FHOD3: variants seen among roughly 807,000 people sequenced by gnomAD.
The protein encoded by FHOD3 is formin homology 2 domain containing 3, also known as FH1/FH2 domain-containing protein 3.
FHOD3 carries 90 observed loss-of-function variants against 173.0 expected under a neutral mutation model. The observed-to-expected ratio is 0.52, with a 90% CI of 0.44 to 0.62. The LOEUF is 0.62. FHOD3 is among the 20% of genes least tolerant of loss of function. FHOD3 has a pLI of 0.00. For synonymous variants in FHOD3, 828 were observed against 823.0 expected (o/e 1.01, Z -0.10); for missense variants, 1,945 against 2,034.7 (o/e 0.96, Z 0.85).
chr18:36,535,173 T>C (rs2056945342), intron 5 of FHOD3, among the ~76,000 whole-genome samples: 1 of 152,178 alleles, frequency 6.6e-6, no homozygotes. Context: ...TATGCAAGGC[T>C]CCATGGCTTG....
rs924940113 is a variant in FHOD3 at position 36,649,288 on chromosome 18, C to T, written c.1197-28C>T. 10 of 1,516,462 alleles carry T rather than the reference C, an allele frequency of 6.6e-6. No individual in the cohort carries two copies. In the Admixed American group the frequency reaches 1.2e-4, roughly 18 times the overall value. 93.9% of individuals were successfully genotyped at this position (1,516,462 alleles called of 1,614,324 possible). A position where few individuals can be genotyped will look rare whatever the true frequency, so the allele number is the denominator to read the frequency against. On this transcript the variant is annotated intron_variant, in intron 10 of 28. Transcript: ENST00000590592. The stretch of plus-strand genomic sequence containing the variant: ...CTCACTTTTCCATGTTGTCTGTGTG[C>T]ATTTCTCTTTTCCTGGCTTTGTCTC...
At chr18:36,544,074 A>G (rs12958613) in intron 5 of FHOD3, among the ~76,000 whole-genome samples, 64,929 of 152,090 alleles carry the variant, frequency 0.43, 14,263 homozygotes, top group Non-Finnish European at 0.49. Context: ...AATATGTCAC[A>G]TGAGTGAGAG....
intron 9 of FHOD3, among the ~76,000 whole-genome samples, chr18:36,624,199 A>G (rs2033920963): frequency 6.6e-6 from 1 of 152,178 alleles, no homozygotes; most frequent in Non-Finnish European, 1.5e-5. Flanking sequence ...AGGCAGTCAT[A>G]TTCATTGAGT....
chr18:36,536,257 G>C (rs1448049136), intron 5 of FHOD3, among the ~76,000 whole-genome samples: 1 of 152,172 alleles, frequency 6.6e-6, no homozygotes, highest in Non-Finnish European at 1.5e-5. Flanking sequence ...CCTCCCCATG[G>C]ATGGGGCCAA....
chr18:36,465,473 C>T (rs59831798), intron 3 of FHOD3, among the ~76,000 whole-genome samples: 11 of 152,216 alleles, frequency 7.2e-5, no homozygotes, highest in African/African-American at 2.2e-4. Context: ...TTCTGCAAAG[C>T]GCAGGGGTGG....
At chr18:36,656,826 G>C (rs776986461) in intron 13 of FHOD3, among the ~76,000 whole-genome samples, 3 of 151,852 alleles carry the variant, frequency 2.0e-5, no homozygotes, top group African/African-American at 7.3e-5. Context: ...TCATACTTTC[G>C]TAGCCATTTC....
intron 5 of FHOD3, among the ~76,000 whole-genome samples, chr18:36,528,342 CT>C (rs2056623353): frequency 6.6e-6 from 1 of 152,206 alleles, no homozygotes; most frequent in African/African-American, 2.4e-5. Context: ...GGCTGCCATA[CT>C]GTAAAACGGG....
intron 28 of FHOD3, among the ~76,000 whole-genome samples, chr18:36,771,927 G>A (rs2043402464): frequency 1.3e-5 from 2 of 152,232 alleles, no homozygotes; most frequent in African/African-American, 2.4e-5. Flanking sequence ...CCCAGAGCAT[G>A]TTCTTCTCCT....
chr18:36,330,424 C>A (rs191106285), intron 1 of FHOD3, among the ~76,000 whole-genome samples: 98 of 152,332 alleles, frequency 6.4e-4, no homozygotes, highest in Non-Finnish European at 1.1e-3. Flanking sequence ...GGAGAACCAG[C>A]TCAGCCATAA....
rs547721365 is a variant in FHOD3 at position 36,332,995 on chromosome 18, C to T, written c.166-22544C>T. 8.5e-5 allele frequency among the ~76,000 whole-genome samples: 13 copies of T among 152,354 alleles called. No individual in the cohort carries two copies. In the South Asian group the frequency reaches 2.7e-3, roughly 32 times the overall value. Reference sequence around the variant, plus strand: ...GTGTACTCTTCTGTTTACTTGTGTGCCTCATTCATGTTTGCTATGAACATT... The same window carrying T: ...GTGTACTCTTCTGTTTACTTGTGTGTCTCATTCATGTTTGCTATGAACATT... On this transcript the variant is annotated intron_variant, in intron 1 of 28. Coordinates refer to ENST00000590592, the MANE Select transcript of FHOD3 (RefSeq NM_001281740.3).
chr18:36,630,805 A>C (rs896112349), intron 10 of FHOD3, among the ~76,000 whole-genome samples: 1 of 152,228 alleles, frequency 6.6e-6, no homozygotes, highest in Non-Finnish European at 1.5e-5. Flanking sequence ...AAGAATTGCT[A>C]ATTTTTTTCC....
At chr18:36,730,057 C>T (rs2149907428) in intron 19 of FHOD3, among the ~76,000 whole-genome samples, 1 of 152,326 alleles carries the variant, frequency 6.6e-6, no homozygotes, top group East Asian at 1.9e-4. Context: ...ATTCATCTAC[C>T]AGGCAGCTGC....
At chr18:36,610,447 T>A (rs146408520) in intron 8 of FHOD3, among the ~76,000 whole-genome samples, 1 of 152,364 alleles carries the variant, frequency 6.6e-6, no homozygotes, top group Non-Finnish European at 1.5e-5. Context: ...CTGTAGACAC[T>A]GGTGTGTGCT....
In FHOD3 at chr18:36,409,191, G is replaced by A. The variant is rs534546324; in HGVS notation, c.337+36447G>A. On this transcript the variant is annotated intron_variant, in intron 3 of 28. Coordinates refer to ENST00000590592, the MANE Select transcript of FHOD3 (RefSeq NM_001281740.3). Reference sequence around the variant, plus strand: ...CCTTCTTGGGGGGGTAATTCTCCTTGAGCAGGGTGAAGGGGCATGCACATC... The same window carrying A: ...CCTTCTTGGGGGGGTAATTCTCCTTAAGCAGGGTGAAGGGGCATGCACATC... Among the ~76,000 whole-genome samples, 12 of 152,232 alleles carry A rather than the reference G, an allele frequency of 7.9e-5. No homozygotes were observed. The East Asian group carries it at 1.9e-3, about 24-fold the overall frequency.
At chr18:36,349,452 G>A (rs757662528) in intron 1 of FHOD3, among the ~76,000 whole-genome samples, 5 of 152,196 alleles carry the variant, frequency 3.3e-5, no homozygotes, top group Admixed American at 6.5e-5. Context: ...ATAAGCACTT[G>A]CGCTTTCCAT....
intron 8 of FHOD3, among the ~76,000 whole-genome samples, chr18:36,611,507 C>T (rs970382719): frequency 2.0e-5 from 3 of 152,180 alleles, no homozygotes; most frequent in Non-Finnish European, 2.9e-5. Flanking sequence ...TGCCTCGAGG[C>T]CAGTGGGATA....
chr18:36,368,678 AG>A (rs2047018620), intron 2 of FHOD3, among the ~76,000 whole-genome samples: 1 of 152,190 alleles, frequency 6.6e-6, no homozygotes, highest in Non-Finnish European at 1.5e-5. Context: ...TAAAGGAAAG[AG>A]GTTTAATTGA....
intron 4 of FHOD3, among the ~76,000 whole-genome samples, chr18:36,506,471 T>G (rs907707229): frequency 6.6e-6 from 1 of 152,190 alleles, no homozygotes; most frequent in African/African-American, 2.4e-5. Context: ...ATTCTGTATG[T>G]CAAGTGAGAA....
chr18:36,409,038 G>C (rs532170069), intron 3 of FHOD3, among the ~76,000 whole-genome samples: 1 of 152,250 alleles, frequency 6.6e-6, no homozygotes, highest in African/African-American at 2.4e-5. Flanking sequence ...GCAGGACAAA[G>C]ACTTGAACTG....
Sources: gnomAD v4.1 joint callset for allele counts (sites outside exome capture counted in the v4.1 genomes callset) on GRCh38, gnomAD v4.1.1 for gene constraint, MANE v1.5 for transcripts, NCBI Gene and HGNC (gene_info 2026-07-23, HGNC 2026-07-21) for gene names.